GSK3B: variants seen among roughly 807,000 people sequenced by gnomAD.
GSK3B encodes glycogen synthase kinase-3 beta.
In GSK3B, 15 loss-of-function variants were observed where a neutral mutation model predicts 56.4. The observed-to-expected ratio is 0.27, with a 90% CI of 0.18 to 0.41. GSK3B has a LOEUF of 0.41. Among genes scored for constraint, GSK3B ranks in the 10% least tolerant of loss-of-function variants. GSK3B has a pLI of 1.00. For synonymous variants in GSK3B, 181 were observed against 188.9 expected (o/e 0.96, Z 0.34); for missense variants, 300 against 513.4 (o/e 0.58, Z 4.02).
At chr3:120,014,626 A>C (rs1056516553) in intron 1 of GSK3B, among the ~76,000 whole-genome samples, 8 of 152,230 alleles carry the variant, frequency 5.3e-5, no homozygotes, top group African/African-American at 1.9e-4. Context: ...TTTCTATGTA[A>C]ACTTCATGTG....
intron 2 of GSK3B, among the ~76,000 whole-genome samples, chr3:119,985,223 C>T (rs1204092857): frequency 2.0e-5 from 3 of 152,168 alleles, no homozygotes; most frequent in Non-Finnish European, 4.4e-5. Flanking sequence ...AACTCACAAT[C>T]AATATCATAC....
At chr3:119,835,176 C>T (rs1363274499) in intron 10 of GSK3B, among the ~76,000 whole-genome samples, 1 of 152,200 alleles carries the variant, frequency 6.6e-6, no homozygotes, top group Non-Finnish European at 1.5e-5. Flanking sequence ...ACTGTACTTC[C>T]CCTACTCCCA....
At chr3:120,023,949 A>C (rs915037126) in intron 1 of GSK3B, among the ~76,000 whole-genome samples, 3 of 152,222 alleles carry the variant, frequency 2.0e-5, no homozygotes, top group South Asian at 4.1e-4. Flanking sequence ...AAAACAGAAT[A>C]TATCAGTTTT....
chr3:119,928,947 C>T (rs1241672585), intron 3 of GSK3B, among the ~76,000 whole-genome samples: 1 of 152,070 alleles, frequency 6.6e-6, no homozygotes, highest in African/African-American at 2.4e-5. Context: ...AATAAAGACT[C>T]GAGTTTTAGC....
chr3:120,020,230 C>T (rs1202666154), intron 1 of GSK3B, among the ~76,000 whole-genome samples: 1 of 152,160 alleles, frequency 6.6e-6, no homozygotes, highest in Admixed American at 6.5e-5. Flanking sequence ...GGACACCATA[C>T]ATTTTCAAAT....
At chr3:120,050,039 G>GT (rs924848339) in intron 1 of GSK3B, among the ~76,000 whole-genome samples, 4 of 152,210 alleles carry the variant, frequency 2.6e-5, no homozygotes, top group African/African-American at 9.6e-5. Flanking sequence ...CTGGCTTCTG[G>GT]TGAGGACTTT....
In GSK3B at chr3:119,863,402, T is replaced by C; in HGVS notation, c.1096+17A>G. ...GCTTTCCTAGAACTGGTGAAGAGGC[T>C]AAGTGTTTGGAGTTACCTTGAGTGG... On this transcript the variant is annotated intron_variant, in intron 9 of 10. Transcript: ENST00000264235. The C allele has an allele frequency of 6.3e-7, 1 of 1,599,914 alleles. No homozygotes were observed. The highest frequency in any genetic ancestry group is 8.6e-7 in the Non-Finnish European group (1 of 1,167,192).
chr3:119,981,976 C>G (rs763791349), intron 2 of GSK3B, among the ~76,000 whole-genome samples: 4 of 152,188 alleles, frequency 2.6e-5, no homozygotes, highest in Non-Finnish European at 5.9e-5. Flanking sequence ...GCAGCTGCCC[C>G]GCTGTGACGA....
chr3:120,000,315 T>C (rs1444059284), intron 2 of GSK3B, among the ~76,000 whole-genome samples: 2 of 152,216 alleles, frequency 1.3e-5, no homozygotes, highest in East Asian at 1.9e-4. Flanking sequence ...TTAGATAAGA[T>C]GGCTTGACAA....
intron 3 of GSK3B, among the ~76,000 whole-genome samples, chr3:119,925,670 A>G (rs193204446): frequency 2.2e-4 from 33 of 152,228 alleles, no homozygotes; most frequent in Admixed American, 1.9e-3. Flanking sequence ...AAACATTACA[A>G]TCAGCACATA....
At chr3:119,967,910 C>T (rs2057334273) in intron 2 of GSK3B, among the ~76,000 whole-genome samples, 1 of 150,866 alleles carries the variant, frequency 6.6e-6, no homozygotes, top group Non-Finnish European at 1.5e-5. Flanking sequence ...GGCTGGAGTG[C>T]AGTGGCACAA....
At chr3:119,871,509 T>G (rs1055846824) in intron 8 of GSK3B, among the ~76,000 whole-genome samples, 1 of 152,224 alleles carries the variant, frequency 6.6e-6, no homozygotes, top group African/African-American at 2.4e-5. Context: ...GGAATTGCTA[T>G]AATATATATG....
intron 2 of GSK3B, among the ~76,000 whole-genome samples, chr3:119,967,828 TTCTCTTTCTCTCTC>T (rs1394955136): frequency 3.7e-4 from 36 of 96,122 alleles, no homozygotes; most frequent in South Asian, 1.4e-3. Context: ...CTTTCTCTCT[TTCTCTTTCTCTCTC>T]TCTCTCTCTC....
chr3:119,984,374 G>C (rs2057493868), intron 2 of GSK3B, among the ~76,000 whole-genome samples: 1 of 142,178 alleles, frequency 7.0e-6, no homozygotes, highest in Non-Finnish European at 1.5e-5. Context: ...AACTGAAGGA[G>C]ATAGAGACAC....
chr3:119,987,472 A>T (rs1298758568), intron 2 of GSK3B, among the ~76,000 whole-genome samples: 6 of 152,202 alleles, frequency 3.9e-5, no homozygotes, highest in Admixed American at 3.9e-4. Flanking sequence ...TTAAAAAGTT[A>T]AAAAATTGTT....
In GSK3B at chr3:119,863,599, G is replaced by A. The variant is rs768552900; in HGVS notation, c.916C>T (p.Arg306Ter). ...IKAHPWTKVF[R>*]PRTPPEAIAL... ...ATTGCCTCCGGTGGAGTTCGGGGTC[G>A]GAAGACCTGCAGTACAAAAAAAGGG... Residue 306 changes from arginine to a stop codon, truncating the protein, a stop_gained, in exon 9 of 11, where the codon CGA (arginine) becomes TGA (stop). Coordinates refer to ENST00000264235, the MANE Select transcript of GSK3B (RefSeq NM_001146156.2). LOFTEE classifies it high-confidence loss of function. 6.2e-7 allele frequency: 1 copy of A among 1,602,044 alleles called. No individual in the cohort carries two copies. Among genetic ancestry groups the A allele is most frequent in the Non-Finnish European group, 8.5e-7 (1 of 1,169,924 alleles).
intron 7 of GSK3B, among the ~76,000 whole-genome samples, chr3:119,894,787 TTG>T (rs149325159): frequency 0.018 from 2,793 of 152,266 alleles, 51 homozygotes; most frequent in Middle Eastern, 0.041. Flanking sequence ...TGTGTGCTTT[TTG>T]TGTTACATGT....
intron 1 of GSK3B, among the ~76,000 whole-genome samples, chr3:120,071,694 T>C (rs2058327997): frequency 6.6e-6 from 1 of 152,226 alleles, no homozygotes; most frequent in South Asian, 2.1e-4. Context: ...TACACTATGA[T>C]GAGTTGTATA....
At position 119,843,247 on chromosome 3, in the gene GSK3B, G is replaced by A. The variant is rs754864112; in HGVS notation, c.1195+8C>T. ...TGTTTTTATAGAAGAGACTTAGAAC[G>A]TTCTTACCTGACGCTGCTGTGGCAT... is the stretch of plus-strand genomic sequence containing the variant. On this transcript the variant is annotated splice_region_variant and intron_variant, in intron 10 of 10. Transcript: ENST00000264235. 20 of 1,574,956 alleles carry A rather than the reference G, an allele frequency of 1.3e-5. No homozygotes were observed. The highest frequency in any genetic ancestry group is 7.7e-5 in the South Asian group (7 of 90,428).
Sources: gnomAD v4.1 joint callset for allele counts (sites outside exome capture counted in the v4.1 genomes callset) on GRCh38, gnomAD v4.1.1 for gene constraint, MANE v1.5 for transcripts, NCBI Gene and HGNC (gene_info 2026-07-23, HGNC 2026-07-21) for gene names.